Variants in TENM3 observed in about 807,000 individuals in gnomAD.
TENM3 encodes teneurin transmembrane protein 3.
Under a neutral mutation model 255.1 loss-of-function variants are expected in TENM3, and 63 were observed. The observed-to-expected ratio is 0.25, with a 90% CI of 0.20 to 0.30. The LOEUF is 0.30. TENM3 is among the 10% of genes least tolerant of loss of function. The pLI, the probability that TENM3 is intolerant of heterozygous loss-of-function variation, is 1.00. For missense variants in TENM3, 2,929 were observed against 3,461.1 expected (o/e 0.85, Z 3.86); for synonymous variants, 1,306 against 1,322.3 (o/e 0.99, Z 0.27).
At chr4:182,387,684 G>A (rs1464440891) in intron 3 of TENM3, among the ~76,000 whole-genome samples, 2 of 151,850 alleles carry the variant, frequency 1.3e-5, no homozygotes, top group Non-Finnish European at 2.9e-5. Flanking sequence ...CTCCAGACGC[G>A]CTGCCTTAAG....
At chr4:182,241,622 G>A (rs1343707959), upstream of TENM3, among the ~76,000 whole-genome samples, 5 of 146,432 alleles carry the variant, frequency 3.4e-5, no homozygotes, top group African/African-American at 1.3e-4. Context: ...CAGGCCTCCT[G>A]CCTCAGCCTC....
chr4:181,807,497 G>A, the TENM3 span, among the ~76,000 whole-genome samples: 3 of 152,088 alleles, frequency 2.0e-5, no homozygotes, highest in Admixed American at 1.3e-4. Flanking sequence ...GGGATTATAG[G>A]CATGCACCAC....
the TENM3 span, among the ~76,000 whole-genome samples, chr4:181,920,561 G>A: frequency 4.2e-4 from 64 of 152,202 alleles, no homozygotes; most frequent in East Asian, 1.4e-3. Flanking sequence ...CATATCCTTC[G>A]CCCACTTTTA....
the TENM3 span, among the ~76,000 whole-genome samples, chr4:181,910,230 A>C: frequency 6.6e-6 from 1 of 152,156 alleles, no homozygotes; most frequent in African/African-American, 2.4e-5. Flanking sequence ...ACCTTATAAC[A>C]TGCTAAATAA....
intron 2 of TENM3, among the ~76,000 whole-genome samples, chr4:182,338,295 G>A (rs992130600): frequency 2.6e-5 from 4 of 152,058 alleles, no homozygotes; most frequent in African/African-American, 9.7e-5. Flanking sequence ...CGCTGTCATC[G>A]CACTATAATG....
the TENM3 span, among the ~76,000 whole-genome samples, chr4:181,809,462 G>C: frequency 6.6e-6 from 1 of 152,144 alleles, no homozygotes; most frequent in Non-Finnish European, 1.5e-5. Flanking sequence ...AGGTGTCTCT[G>C]TTTGTGGCTC....
At chr4:181,467,149 A>ATTTTTTTTG in the TENM3 span, among the ~76,000 whole-genome samples, 1 of 83,014 alleles carries the variant, frequency 1.2e-5, no homozygotes, top group Non-Finnish European at 2.2e-5. Context: ...TTTTTTTTTT[A>ATTTTTTTTG]GGCAGAGTCT....
the TENM3 span, among the ~76,000 whole-genome samples, chr4:182,116,261 A>G: frequency 6.6e-6 from 1 of 152,170 alleles, no homozygotes; most frequent in Admixed American, 6.5e-5. Context: ...TGCCTTTTCC[A>G]GAATGTCATA....
At chr4:182,786,351 G>A in intron 24 of TENM3, among the ~76,000 whole-genome samples, 1 of 152,122 alleles carries the variant, frequency 6.6e-6, no homozygotes. Flanking sequence ...GAGGTCAGGA[G>A]TTCAAGACCA....
chr4:182,265,990 A>G (rs2150189837), intron 1 of TENM3, among the ~76,000 whole-genome samples: 1 of 152,342 alleles, frequency 6.6e-6, no homozygotes, highest in East Asian at 1.9e-4. Flanking sequence ...AAATTGTTCA[A>G]TTGACCTACC....
At chr4:181,727,783 G>A in the TENM3 span, among the ~76,000 whole-genome samples, 5 of 152,244 alleles carry the variant, frequency 3.3e-5, no homozygotes, top group South Asian at 2.1e-4. Flanking sequence ...TTAAGGATAC[G>A]TTTTTTAAAT....
chr4:182,164,431 C>T (rs1194067292), intron 1 of TENM3, among the ~76,000 whole-genome samples: 1 of 152,194 alleles, frequency 6.6e-6, no homozygotes. Context: ...TTGTCTTCCA[C>T]CCCTGCCATT....
the TENM3 span, among the ~76,000 whole-genome samples, chr4:181,738,263 A>G: frequency 1.3e-5 from 2 of 152,314 alleles, no homozygotes; most frequent in South Asian, 4.1e-4. Flanking sequence ...CAGTGTATAC[A>G]GTAACTGGAT....
chr4:182,730,178 C>T (rs761398883), intron 14 of TENM3, 22 bp from the exon 15 acceptor site: 1 of 1,612,914 alleles, frequency 6.2e-7, no homozygotes, highest in African/African-American at 1.3e-5. Context: ...TGTTCATTCT[C>T]ATTCTTCTGC....
chr4:182,175,064 A>G (rs1176529113), intron 1 of TENM3, among the ~76,000 whole-genome samples: 4 of 152,164 alleles, frequency 2.6e-5, no homozygotes, highest in Non-Finnish European at 5.9e-5. Context: ...ACGTCCAGGC[A>G]CATAACAACA....
At chr4:182,440,083 C>G (rs1389169821) in intron 3 of TENM3, among the ~76,000 whole-genome samples, 1 of 149,380 alleles carries the variant, frequency 6.7e-6, no homozygotes, top group African/African-American at 2.5e-5. Flanking sequence ...ACGAAACCCC[C>G]TTCTTCCAGC....
At chr4:182,520,108 A>AG (rs1738412609) in intron 3 of TENM3, among the ~76,000 whole-genome samples, 1 of 152,164 alleles carries the variant, frequency 6.6e-6, no homozygotes, top group African/African-American at 2.4e-5. Context: ...TTTTTTAAAA[A>AG]TGAAATTTGA....
chr4:182,103,983 T>G, the TENM3 span, among the ~76,000 whole-genome samples: 56 of 152,360 alleles, frequency 3.7e-4, no homozygotes, highest in African/African-American at 1.2e-3. Flanking sequence ...ATCACAGCTT[T>G]TATTCAATCA....
At chr4:181,630,323 TG>T in the TENM3 span, among the ~76,000 whole-genome samples, 1 of 152,034 alleles carries the variant, frequency 6.6e-6, no homozygotes, top group Non-Finnish European at 1.5e-5. Flanking sequence ...AGGGTTTTTT[TG>T]TGTCTCTATC....
Sources: allele counts gnomAD v4.1 joint callset (sites outside exome capture counted in the v4.1 genomes callset), GRCh38; gene constraint gnomAD v4.1.1; transcripts MANE v1.5; gene names NCBI Gene and HGNC (gene_info 2026-07-23, HGNC 2026-07-21).